P2RX6: variants seen among roughly 807,000 people sequenced by gnomAD.
P2RX6 encodes the protein P2X purinoceptor 6.
Under a neutral mutation model 54.2 loss-of-function variants are expected in P2RX6, and 62 were observed. The ratio of observed to expected loss-of-function variants is 1.14; its 90% confidence interval spans 0.93 to 1.41. The LOEUF is 1.41. Among genes scored for constraint, P2RX6 ranks in the 40% most tolerant of loss-of-function variants. The pLI is 0.00. For synonymous variants in P2RX6, 211 were observed against 231.9 expected (o/e 0.91, Z 0.82); for missense variants, 541 against 566.3 (o/e 0.96, Z 0.45).
chr22:21,025,762 G>A (rs777446611), intron 8 of P2RX6, 43 bp from the exon 9 acceptor site: 5 of 1,472,872 alleles, frequency 3.4e-6, no homozygotes, highest in Non-Finnish European at 4.6e-6. Flanking sequence ...CCCACCTGGG[G>A]GTGGGCAAAG....
At chr22:21,020,267 C>T (rs1024296259) in intron 3 of P2RX6, among the ~76,000 whole-genome samples, 3 of 152,344 alleles carry the variant, frequency 2.0e-5, no homozygotes, top group East Asian at 1.9e-4. Context: ...TCCCATGAAA[C>T]GTCAGGGCTG....
At chr22:21,021,555 C>T (rs1057478338) in intron 3 of P2RX6, among the ~76,000 whole-genome samples, 3 of 152,150 alleles carry the variant, frequency 2.0e-5, no homozygotes, top group Admixed American at 2.0e-4. Context: ...ATCACGACGG[C>T]CCTGTCTTTC....
chr22:21,024,874 T>TTC (rs1555942060), intron 8 of P2RX6, among the ~76,000 whole-genome samples: 2 of 88,046 alleles, frequency 2.3e-5, no homozygotes, highest in Non-Finnish European at 4.3e-5. Flanking sequence ...CCTGTTTTTT[T>TTC]TGTGTTTTTT....
intron 3 of P2RX6, among the ~76,000 whole-genome samples, chr22:21,021,550 G>A (rs557108233): frequency 2.2e-4 from 34 of 152,152 alleles, no homozygotes; most frequent in Admixed American, 2.2e-3. Flanking sequence ...ACCCAATCAC[G>A]ACGGCCCTGT....
chr22:21,011,534 C>A (rs1459458603), upstream of P2RX6: 10 of 714,134 alleles, frequency 1.4e-5, no homozygotes, highest in Non-Finnish European at 2.3e-5. Context: ...ACTGTGAGGG[C>A]GGCACAGAGG....
chr22:21,017,352 G>A (rs1360436040), intron 2 of P2RX6, among the ~76,000 whole-genome samples: 1 of 152,196 alleles, frequency 6.6e-6, no homozygotes, highest in Non-Finnish European at 1.5e-5. Context: ...GCTCTCACGA[G>A]CAGCACTGGA....
At chr22:21,015,073 C>T (rs1380921081), upstream of P2RX6, 4 of 660,646 alleles carry the variant, frequency 6.1e-6, no homozygotes, top group Admixed American at 3.9e-5. Context: ...GGATCTGGAT[C>T]CTGCTTTAGT....
At chr22:21,020,240 A>C (rs540627641) in intron 3 of P2RX6, among the ~76,000 whole-genome samples, 73 of 152,296 alleles carry the variant, frequency 4.8e-4, no homozygotes, top group African/African-American at 1.3e-3. Context: ...TTTGTCTGCA[A>C]CCACACTTCT....
chr22:21,015,870 A>T (rs577160272), intron 1 of P2RX6, 72 bp from the exon 2 acceptor site: 2 of 1,455,484 alleles, frequency 1.4e-6, no homozygotes, highest in Non-Finnish European at 1.9e-6. Context: ...AGAACTGAGC[A>T]TGTAGGGCTC....
At chr22:21,015,138 T>G, upstream of P2RX6, 1 of 1,357,672 alleles carries the variant, frequency 7.4e-7, no homozygotes. Flanking sequence ...CTGCTTTGCC[T>G]CCTGTTCAGC....
At chr22:21,014,279 G>A (rs1424003551), upstream of P2RX6, 1 of 152,758 alleles carries the variant, frequency 6.5e-6, no homozygotes, top group African/African-American at 2.4e-5. Context: ...CTCACTTAGA[G>A]CGCGACCCGG....
At chr22:21,017,828 C>T (rs1237876295) in intron 2 of P2RX6, 161 bp from the exon 3 acceptor site, 4 of 697,050 alleles carry the variant, frequency 5.7e-6, no homozygotes, top group Non-Finnish European at 1.1e-5. Flanking sequence ...TGGCCAGAAC[C>T]ACTGCCAGCC....
chr22:21,021,845 G>T (rs1238312837), intron 3 of P2RX6, among the ~76,000 whole-genome samples: 1 of 152,176 alleles, frequency 6.6e-6, no homozygotes, highest in Non-Finnish European at 1.5e-5. Context: ...TTACAGAAGA[G>T]CGAGCAGGAA....
chr22:21,017,999 TG>T lies in P2RX6; in HGVS notation c.327del (p.Phe110SerfsTer4). ...AGACTTGCCTCCTAGGGAGAGAACG[TG>T]TTCTTCTTGGTGACCAACTTCCTTG... ...DFVKPPQGEN[V>X]FFLVTNFLVT... On this transcript the variant is annotated frameshift_variant, in exon 3 of 12. Coordinates refer to ENST00000413302, the MANE Select transcript of P2RX6 (RefSeq NM_005446.5). LOFTEE classifies it high-confidence loss of function. 6.2e-7 allele frequency: 1 copy of T among 1,612,088 alleles called. No homozygotes were observed. The highest frequency in any genetic ancestry group is 8.5e-7 in the Non-Finnish European group (1 of 1,178,498).
rs550016372 is a variant in P2RX6 at position 21,025,783 on chromosome 22, G to A, written c.891-22G>A. ...TGGGGGTGGGCAAAGCAGGTCACCA[G>A]AGCCTTCTTTCCTGCCCACAGGACA... On this transcript the variant is annotated intron_variant, in intron 8 of 11. Transcript: ENST00000413302. 1.6e-5 allele frequency: 25 copies of A among 1,543,754 alleles called. No homozygotes were observed. In the South Asian group the frequency reaches 1.8e-4, roughly 11 times the overall value.
upstream of P2RX6, chr22:21,011,582 G>A: frequency 1.4e-6 from 1 of 715,488 alleles, no homozygotes; most frequent in South Asian, 1.5e-5. Context: ...TTCTCCAACA[G>A]GTCCACATCT....
At chr22:21,015,781 G>T (rs1414739495) in intron 1 of P2RX6, among the ~76,000 whole-genome samples, 161 bp from the exon 2 acceptor site, 2 of 152,066 alleles carry the variant, frequency 1.3e-5, no homozygotes, top group East Asian at 3.9e-4. Context: ...TCTCATTCAG[G>T]GGGTCTGGAG....
intron 3 of P2RX6, among the ~76,000 whole-genome samples, chr22:21,021,647 C>T (rs1240092108): frequency 2.0e-5 from 3 of 152,092 alleles, no homozygotes; most frequent in Non-Finnish European, 2.9e-5. Flanking sequence ...CTTCCTGCTG[C>T]CCCTGAGCTG....
intron 3 of P2RX6, among the ~76,000 whole-genome samples, chr22:21,021,956 G>A (rs1454689912): frequency 6.6e-6 from 1 of 152,086 alleles, no homozygotes; most frequent in Non-Finnish European, 1.5e-5. Context: ...TCCCCATGCC[G>A]GGCATCAAAA....
Sources: gnomAD v4.1 joint callset for allele counts (sites outside exome capture counted in the v4.1 genomes callset) on GRCh38, gnomAD v4.1.1 for gene constraint, MANE v1.5 for transcripts, NCBI Gene and HGNC (gene_info 2026-07-23, HGNC 2026-07-21) for gene names.